PREP: variants seen among roughly 807,000 people sequenced by gnomAD.
The protein encoded by PREP is prolyl endopeptidase, also known as dJ355L5.1 (prolyl endopeptidase).
A neutral mutation model predicts 87.6 loss-of-function variants in PREP; 29 were observed. That is an observed-to-expected ratio of 0.33 (90% CI 0.25 to 0.45). The LOEUF is 0.45. Among genes scored for constraint, PREP ranks in the 20% least tolerant of loss-of-function variants. PREP has a pLI of 1.00. For synonymous variants in PREP, 337 were observed against 328.6 expected, an observed-to-expected ratio of 1.03 and a Z score of -0.28; for missense variants, 695 against 886.5, an observed-to-expected ratio of 0.78 and a Z score of 2.74.
chr6:105,383,736 A>G (rs1772911403), intron 2 of PREP, among the ~76,000 whole-genome samples: 1 of 152,114 alleles, frequency 6.6e-6, no homozygotes, highest in East Asian at 1.9e-4. Context: ...TTAGGGAGGA[A>G]GCAGAAACCG....
intron 6 of PREP, among the ~76,000 whole-genome samples, chr6:105,365,002 C>T (rs368583061): frequency 1.3e-5 from 2 of 152,330 alleles, no homozygotes; most frequent in African/African-American, 4.8e-5. Context: ...GTAATCCTAG[C>T]ACTTTGGGAG....
In PREP at chr6:105,278,169, C is replaced by T. The variant is rs1769987845; in HGVS notation, c.2108G>A (p.Cys703Tyr). 1.2e-6 allele frequency: 2 copies of T among 1,612,574 alleles called. No individual in the cohort carries two copies. The highest frequency in any genetic ancestry group is 1.7e-6 in the Non-Finnish European group (2 of 1,178,966). ...TTATGGAATCCAGTCGACGTTCAGGCACCGCGCGATGAACGCAAACATGTC... is the reference window on the plus strand; with the variant it reads ...TTATGGAATCCAGTCGACGTTCAGGTACCGCGCGATGAACGCAAACATGTC... Reference protein sequence around the residue: ...VSDMFAFIARCLNVDWIP With the variant: ...VSDMFAFIARYLNVDWIP The change falls in exon 15 of 15, where the codon TGC becomes TAC. Residue 703 changes from cysteine to tyrosine, a missense_variant. By Grantham distance (194) the Cys-to-Tyr change is radical. Transcript: ENST00000652536. This position sits in a 1 kb window ranked among gnomAD's most constrained non-coding sequence, Gnocchi z 4.2.
chr6:105,302,543 C>A, intron 10 of PREP: 2 of 397,842 alleles, frequency 5.0e-6, no homozygotes, highest in South Asian at 4.3e-5. Flanking sequence ...GCTTGCTGGG[C>A]CAGTGGCGCA....
At chr6:105,293,792 T>C (rs1215717260) in intron 10 of PREP, among the ~76,000 whole-genome samples, 3 of 152,184 alleles carry the variant, frequency 2.0e-5, no homozygotes, top group Non-Finnish European at 4.4e-5. Flanking sequence ...CCCTCTTCAA[T>C]AGAAGGGCAA....
At position 105,278,171 on chromosome 6, in the gene PREP, C is replaced by T. The variant is rs745850740; in HGVS notation, c.2106G>A (p.Arg702=). 8 of 1,613,002 alleles carry T rather than the reference C, an allele frequency of 5.0e-6. No homozygotes were observed. The African/African-American group carries it at 1.1e-4, about 22-fold the overall frequency. ...EVSDMFAFIA[R]CLNVDWIP ...ATGGAATCCAGTCGACGTTCAGGCA[C>T]CGCGCGATGAACGCAAACATGTCTG... The change falls in exon 15 of 15, where the codon CGG becomes CGA. Residue 702 remains arginine (R), a synonymous_variant. Transcript: ENST00000652536. This position sits in a 1 kb window ranked among gnomAD's most constrained non-coding sequence, Gnocchi z 4.2.
intron 10 of PREP, 50 bp downstream of exon 10, chr6:105,323,615 G>C (rs1771074252): frequency 6.7e-7 from 1 of 1,497,726 alleles, no homozygotes; most frequent in East Asian, 2.3e-5. Context: ...GGCCCAGCCT[G>C]AAAGTCAGAC....
intron 6 of PREP, among the ~76,000 whole-genome samples, chr6:105,363,827 A>C (rs1772313456): frequency 6.6e-6 from 1 of 152,138 alleles, no homozygotes; most frequent in Admixed American, 6.6e-5. Flanking sequence ...TGCTTCTGGG[A>C]TCAAAAGCTT....
In PREP at chr6:105,275,876, A is replaced by G. The variant is rs560906597; in HGVS notation, c.*2268T>C. Among the ~76,000 whole-genome samples the G allele has an allele frequency of 1.1e-3, 165 of 152,360 alleles. No individual in the cohort carries two copies. Among genetic ancestry groups the G allele is most frequent in the African/African-American group, 3.8e-3 (158 of 41,584 alleles). ...ATGTTCTCCACTCATGTGGGAGCTA[A>G]AAAAGCAGGCAGAGAAAGGGAGGAT... On this transcript the variant is annotated 3_prime_UTR_variant, in exon 15 of 15. Coordinates refer to ENST00000652536, the MANE Select transcript of PREP (RefSeq NM_002726.5).
At chr6:105,395,973 T>G (rs1052211115) in intron 2 of PREP, among the ~76,000 whole-genome samples, 8 of 152,188 alleles carry the variant, frequency 5.3e-5, no homozygotes, top group African/African-American at 1.9e-4. Context: ...AGCCCAGTGT[T>G]GAACAATCAA....
chr6:105,353,802 A>G (rs1210273389), intron 6 of PREP, among the ~76,000 whole-genome samples: 1 of 151,768 alleles, frequency 6.6e-6, no homozygotes, highest in Non-Finnish European at 1.5e-5. Flanking sequence ...AATTAGCAAA[A>G]TGGGTATGGA....
chr6:105,395,916 G>C (rs1264989322), intron 2 of PREP, among the ~76,000 whole-genome samples: 1 of 152,216 alleles, frequency 6.6e-6, no homozygotes. Flanking sequence ...AGGTTATGCA[G>C]GTGCATGTGA....
intron 10 of PREP, chr6:105,302,646 T>C: frequency 2.1e-6 from 1 of 470,558 alleles, no homozygotes; most frequent in Admixed American, 2.4e-5. Context: ...TCTGGTTAAT[T>C]ACGGTGAGAA....
intron 5 of PREP, 27 bp downstream of exon 5, chr6:105,373,342 T>G: frequency 6.2e-7 from 1 of 1,604,050 alleles, no homozygotes; most frequent in Admixed American, 1.7e-5. Flanking sequence ...TTGTGAAAAA[T>G]GTGCTTCATC....
rs1025547284 is a variant in PREP at position 105,276,467 on chromosome 6, A to G, written c.*1677T>C. ...CAGCTATTTGTACTTCACACCACAC[A>G]GCTAGTCTAGGAAAGAGGCTGCCTC... On this transcript the variant is annotated 3_prime_UTR_variant, in exon 15 of 15. Transcript: ENST00000652536. Among the ~76,000 whole-genome samples, 1 of 152,240 alleles carries G rather than the reference A, an allele frequency of 6.6e-6. No homozygotes were observed. Among genetic ancestry groups the G allele is most frequent in the African/African-American group, 2.4e-5 (1 of 41,464 alleles).
At chr6:105,382,270 A>C (rs935153160) in intron 2 of PREP, among the ~76,000 whole-genome samples, 7 of 143,118 alleles carry the variant, frequency 4.9e-5, no homozygotes, top group Non-Finnish European at 9.2e-5. Flanking sequence ...AAGCGTTCTC[A>C]ACACACACAC....
At chr6:105,318,821 T>G (rs1001699378) in intron 10 of PREP, among the ~76,000 whole-genome samples, 3 of 152,194 alleles carry the variant, frequency 2.0e-5, no homozygotes, top group Non-Finnish European at 4.4e-5. Context: ...ACGAACACGC[T>G]GCTATGGGAA....
chr6:105,391,062 T>C (rs202144353), intron 2 of PREP, among the ~76,000 whole-genome samples: 1 of 108,892 alleles, frequency 9.2e-6, no homozygotes, highest in African/African-American at 5.5e-5. Flanking sequence ...CACACACACT[T>C]TTTTTTTTTT....
At chr6:105,360,299 T>C (rs1419987227) in intron 6 of PREP, among the ~76,000 whole-genome samples, 1 of 152,208 alleles carries the variant, frequency 6.6e-6, no homozygotes. Flanking sequence ...TGAAATTCCT[T>C]GGCAGGGAGG....
intron 10 of PREP, among the ~76,000 whole-genome samples, chr6:105,301,583 TAG>T (rs1467054311): frequency 6.6e-6 from 1 of 152,038 alleles, no homozygotes; most frequent in Non-Finnish European, 1.5e-5. Context: ...TTTTGGGGAG[TAG>T]AGAGGAGTTT....
Sources: gnomAD v4.1 joint callset for allele counts (sites outside exome capture counted in the v4.1 genomes callset) on GRCh38, gnomAD v4.1.1 for gene constraint, Gnocchi (gnomAD v3.1) non-coding constraint, MANE v1.5 for transcripts, NCBI Gene and HGNC (gene_info 2026-07-23, HGNC 2026-07-21) for gene names.